Variants in GPA33 observed in about 807,000 individuals in gnomAD.
GPA33 encodes the protein glycoprotein A33, also known as cell surface A33 antigen.
GPA33 carries 27 observed loss-of-function variants against 35.6 expected under a neutral mutation model. The ratio of observed to expected loss-of-function variants is 0.76; its 90% CI spans 0.56 to 1.04. GPA33 has a LOEUF of 1.04. Ranked by LOEUF, GPA33 falls within the 50% of genes least tolerant of loss-of-function variation. The pLI is 0.00. For synonymous variants in GPA33, 176 were observed against 164.0 expected (o/e 1.07, Z -0.56); for missense variants, 428 against 411.9 (o/e 1.04, Z -0.34).
intron 4 of GPA33, 40 bp downstream of exon 4, chr1:167,063,542 C>T: frequency 1.3e-6 from 2 of 1,564,214 alleles, no homozygotes; most frequent in Middle Eastern, 2.3e-4. Context: ...ATGTGTTGCA[C>T]TTTGACGTGG....
intron 5 of GPA33, 51 bp from the exon 6 acceptor site, chr1:167,055,162 G>A: frequency 6.3e-7 from 1 of 1,596,400 alleles, no homozygotes; most frequent in Non-Finnish European, 8.5e-7. Context: ...GCTAGCTCCG[G>A]GTCTCCTCCC....
At chr1:167,072,227 T>C (rs890589270) in intron 2 of GPA33, among the ~76,000 whole-genome samples, 7 of 152,200 alleles carry the variant, frequency 4.6e-5, no homozygotes, top group African/African-American at 1.7e-4. Context: ...CCACTCTAAG[T>C]GGTCGGGGAC....
chr1:167,089,884 G>A (rs1667121343), intron 1 of GPA33, among the ~76,000 whole-genome samples: 1 of 151,880 alleles, frequency 6.6e-6, no homozygotes, highest in Non-Finnish European at 1.5e-5. Flanking sequence ...ACTAGATAAT[G>A]AACATATCTA....
At chr1:167,087,505 G>A (rs1314493195) in intron 1 of GPA33, among the ~76,000 whole-genome samples, 1 of 152,184 alleles carries the variant, frequency 6.6e-6, no homozygotes, top group African/African-American at 2.4e-5. Flanking sequence ...AGGCACTGGG[G>A]TCAGCCCCCT....
rs1666730204 is a variant in GPA33 at position 167,071,944 on chromosome 1, T to C, written c.198+1441A>G. On this transcript the variant is annotated intron_variant, in intron 2 of 6. Coordinates refer to ENST00000367868, the MANE Select transcript of GPA33 (RefSeq NM_005814.3). ...GTATCTACCTTAACACCCAGAAAAC[T>C]GTCAGGCAGAGACCTCAAGTCTGGC... Among the ~76,000 whole-genome samples, 4 of 152,162 alleles carry C rather than the reference T, an allele frequency of 2.6e-5. No homozygotes were observed. In the South Asian group the frequency reaches 8.3e-4, roughly 32 times the overall value.
intron 1 of GPA33, among the ~76,000 whole-genome samples, chr1:167,083,000 A>G (rs1666981986): frequency 1.3e-5 from 2 of 152,152 alleles, no homozygotes; most frequent in Admixed American, 1.3e-4. Flanking sequence ...GAGCAGGCAG[A>G]GAGAAGACGA....
intron 1 of GPA33, among the ~76,000 whole-genome samples, chr1:167,086,540 C>T (rs1264258360): frequency 1.3e-5 from 2 of 152,230 alleles, no homozygotes; most frequent in African/African-American, 2.4e-5. Context: ...GTGTGATCCA[C>T]ACGAACATGG....
rs980517882 is a variant in GPA33, at chr1:167,061,273, C to T, written c.571+2309G>A. Among the ~76,000 whole-genome samples, 3 of 152,184 alleles carry T rather than the reference C, an allele frequency of 2.0e-5. No individual in the cohort carries two copies. In the East Asian group the frequency reaches 5.8e-4, roughly 29 times the overall value. ...TGTTACATCACCACTGGGTATAAAG[C>T]TATTATAGCATCTGCCACCTGTAAC... On this transcript the variant is annotated intron_variant, in intron 4 of 6. Coordinates refer to ENST00000367868, the MANE Select transcript of GPA33 (RefSeq NM_005814.3).
chr1:167,058,034 A>G (rs1666347878), intron 4 of GPA33, among the ~76,000 whole-genome samples: 1 of 152,174 alleles, frequency 6.6e-6, no homozygotes, highest in African/African-American at 2.4e-5. Context: ...CCCCGTCTCT[A>G]CTACAAATAT....
chr1:167,068,810 CTT>C (rs1666653083), intron 3 of GPA33, 110 bp downstream of exon 3: 1 of 736,648 alleles, frequency 1.4e-6, no homozygotes, highest in East Asian at 2.7e-5. Context: ...GGTGAGGAGT[CTT>C]AGCTCCTTGT....
chr1:167,088,480 G>A (rs1035779266), intron 1 of GPA33, among the ~76,000 whole-genome samples: 2 of 152,174 alleles, frequency 1.3e-5, no homozygotes, highest in African/African-American at 4.8e-5. Flanking sequence ...AGAAAAGTTG[G>A]TGGGCACGTG....
Position 167,054,645 on chromosome 1 carries a change from C to T in GPA33, c.828-179G>A, listed in dbSNP as rs889124409. On this transcript the variant is annotated intron_variant, in intron 6 of 6. Coordinates refer to ENST00000367868, the MANE Select transcript of GPA33 (RefSeq NM_005814.3). ...GTAAAGGTGCCACAGACTTGTTCCA[C>T]GCATGAGCTGAGGGGGTTACAGGAA... Among the ~76,000 whole-genome samples the T allele has an allele frequency of 2.0e-5, 3 of 152,086 alleles. No homozygotes were observed. The East Asian group carries it at 5.8e-4, about 29-fold the overall frequency.
In GPA33 at chr1:167,073,589, C is replaced by T. The variant is rs149169724; in HGVS notation, c.44-50G>A. ...GGGAAAAGTAAGCGACACGGACAGA[C>T]ATACCCACTCACTGCCCACAGGACC... On this transcript the variant is annotated intron_variant, in intron 1 of 6. Coordinates refer to ENST00000367868, the MANE Select transcript of GPA33 (RefSeq NM_005814.3). The T allele has an allele frequency of 4.6e-5, 69 of 1,504,218 alleles. No homozygotes were observed. The African/African-American group carries it at 6.6e-4, about 14-fold the overall frequency. 93.2% of individuals were successfully genotyped at this position (1,504,218 alleles called of 1,614,324 possible).
At chr1:167,061,664 G>A (rs1024904459) in intron 4 of GPA33, among the ~76,000 whole-genome samples, 9 of 143,294 alleles carry the variant, frequency 6.3e-5, no homozygotes, top group Non-Finnish European at 9.1e-5. Flanking sequence ...GTGCGGTGGC[G>A]CGATCTCGGC....
intron 1 of GPA33, among the ~76,000 whole-genome samples, chr1:167,079,393 G>C (rs1427847775): frequency 6.6e-6 from 1 of 151,506 alleles, no homozygotes; most frequent in African/African-American, 2.4e-5. Flanking sequence ...TCAGGAGACT[G>C]AGGGAGGAGA....
chr1:167,067,275 A>AATTTATTTATTTATTTATTT (rs57948383), intron 3 of GPA33, among the ~76,000 whole-genome samples: 6 of 146,700 alleles, frequency 4.1e-5, no homozygotes, highest in African/African-American at 1.5e-4. Flanking sequence ...CCTCCACCTC[A>AATTTATTTATTTATTTATTT]ATTTATTTAT....
chr1:167,054,970 A>T lies in GPA33; in HGVS notation c.827+6T>A. The T allele has an allele frequency of 6.2e-7, 1 of 1,613,840 alleles. No homozygotes were observed. The highest frequency in any genetic ancestry group is 8.5e-7 in the Non-Finnish European group (1 of 1,179,926). ...CTTCCAACAGGCTACCAGCCCAGAC[A>T]CTCACGGCCTTGCATCCTCCTTGTC... On this transcript the variant is annotated splice_donor_region_variant and intron_variant, in intron 6 of 6. Coordinates refer to ENST00000367868, the MANE Select transcript of GPA33 (RefSeq NM_005814.3).
rs1571312187 is a variant in GPA33, at chr1:167,069,289, CCCATT to C, written c.199-156_199-152del. ...GAACAAATAGCTCGCATATGTGCTA[CCCATT>C]TGTGGATTTCTTGTATTATATATAT... On this transcript the variant is annotated intron_variant, in intron 2 of 6. Transcript: ENST00000367868. 6 of 551,512 alleles carry C rather than the reference CCCATT, an allele frequency of 1.1e-5. No homozygotes were observed. The East Asian group carries it at 1.7e-4, about 16-fold the overall frequency. The allele number at this position is 551,512 out of a possible 1,614,324, so 34.2% of individuals were successfully genotyped here. A position where few individuals can be genotyped will look rare whatever the true frequency, so the allele number is the denominator to read the frequency against.
intron 2 of GPA33, among the ~76,000 whole-genome samples, chr1:167,069,581 ACTC>A (rs1419805495): frequency 1.3e-5 from 2 of 151,986 alleles, no homozygotes; most frequent in Admixed American, 1.3e-4. Context: ...TATTTTCTTG[ACTC>A]TTGCCTTTGG....
Sources: gnomAD v4.1 joint callset for allele counts (sites outside exome capture counted in the v4.1 genomes callset) on GRCh38, gnomAD v4.1.1 for gene constraint, MANE v1.5 for transcripts, NCBI Gene and HGNC (gene_info 2026-07-23, HGNC 2026-07-21) for gene names.